The following PAPPA variants were observed in gnomAD, a reference collection of about 807,000 sequenced individuals.
PAPPA encodes pappalysin-1.
In PAPPA, 60 loss-of-function variants were observed where a neutral mutation model predicts 164.0. That is an observed-to-expected ratio of 0.37 (90% CI 0.30 to 0.45). The LOEUF (loss-of-function observed/expected upper bound fraction) is 0.45. PAPPA is among the 20% of genes least tolerant of loss of function. The pLI is 1.00. For missense variants in PAPPA, 1,782 were observed against 2,087.3 expected, an observed-to-expected ratio of 0.85 and a Z score of 2.85; for synonymous variants, 875 against 814.1, an observed-to-expected ratio of 1.07 and a Z score of -1.27.
intron 1 of PAPPA, among the ~76,000 whole-genome samples, chr9:116,181,334 C>CTT (rs1199134942): frequency 7.0e-6 from 1 of 143,660 alleles, no homozygotes. Flanking sequence ...CTCTCTCTCT[C>CTT]TCTCTTTCTC....
In PAPPA at chr9:116,241,730, G is replaced by A. The variant is rs374985634; in HGVS notation, c.2732+6093G>A. The stretch of plus-strand genomic sequence containing the variant: ...ATGCGTCTCTTGCTTTCAGATCTTA[G>A]TTATAACATTGATATGTAATGTCAT... On this transcript the variant is annotated intron_variant, in intron 7 of 21. Transcript: ENST00000328252. 2.6e-5 allele frequency among the ~76,000 whole-genome samples: 4 copies of A among 152,104 alleles called. No individual in the cohort carries two copies. The East Asian group carries it at 7.7e-4, about 29-fold the overall frequency.
chr9:116,290,808 C>G (rs1025497433), intron 9 of PAPPA, among the ~76,000 whole-genome samples: 2 of 151,926 alleles, frequency 1.3e-5, no homozygotes, highest in African/African-American at 4.8e-5. Context: ...TGCACACTCT[C>G]TGCATATCCA....
chr9:116,225,805 G>T (rs1017210157), intron 5 of PAPPA, among the ~76,000 whole-genome samples: 2 of 150,358 alleles, frequency 1.3e-5, no homozygotes, highest in African/African-American at 4.9e-5. Flanking sequence ...TAAGTGACTG[G>T]TATCCATCCA....
intron 7 of PAPPA, among the ~76,000 whole-genome samples, chr9:116,237,373 A>G (rs1844681108): frequency 1.3e-5 from 2 of 152,178 alleles, no homozygotes; most frequent in Admixed American, 6.5e-5. Context: ...ACTTGTCTAG[A>G]GTGGTAGAGT....
chr9:116,223,086 A>C (rs1844465131), intron 5 of PAPPA, among the ~76,000 whole-genome samples: 1 of 152,170 alleles, frequency 6.6e-6, no homozygotes, highest in Admixed American at 6.5e-5. Context: ...CTAGAACCTA[A>C]ATTTGGTAGC....
rs1554753196 is a variant in PAPPA at position 116,334,251 on chromosome 9, A to AC, written c.3398-610_3398-609insC. Among the ~76,000 whole-genome samples the AC allele has an allele frequency of 1.6e-3, 245 of 150,992 alleles. 1 individual carries two copies. Among genetic ancestry groups the AC allele is most frequent in the African/African-American group, 5.7e-3 (235 of 41,114 alleles). On this transcript the variant is annotated intron_variant, in intron 12 of 21. Transcript: ENST00000328252. ...TGCTGGCTGCATTAAAAAAAAAAAA[A>AC]AAAAAAAAACAGGGCTCTTGAGTGA...
intron 19 of PAPPA, among the ~76,000 whole-genome samples, chr9:116,374,275 C>T (rs1322596364): frequency 9.9e-5 from 15 of 151,962 alleles, no homozygotes. Context: ...ATAGTCTATT[C>T]TTCCTACCAC....
At position 116,331,338 on chromosome 9, in the gene PAPPA, A is replaced by C; in HGVS notation, c.3242A>C (p.Gln1081Pro). The change falls in exon 11 of 22, where the codon CAG (glutamine) becomes CCG (proline). Residue 1081 changes from glutamine (Q) to proline (P), a missense_variant. By Grantham distance (76) the Gln-to-Pro change is moderately conservative (BLOSUM62 -1). Transcript: ENST00000328252. Reference protein sequence around the residue: ...TISYPYSQLAQTTFWLRAYFS... With the variant: ...TISYPYSQLAPTTFWLRAYFS... ...AGCTACCCATATTCCCAGCTGGCTCAGACCACTTTTTGGCTCCGGGTAAGC... is the reference window on the plus strand; with the variant it reads ...AGCTACCCATATTCCCAGCTGGCTCCGACCACTTTTTGGCTCCGGGTAAGC... The C allele has an allele frequency of 1.2e-6, 2 of 1,612,628 alleles. No homozygotes were observed. Among genetic ancestry groups the C allele is most frequent in the Non-Finnish European group, 1.7e-6 (2 of 1,178,588 alleles).
In PAPPA at chr9:116,160,224, C is replaced by T. The variant is rs374923913; in HGVS notation, c.415+5637C>T. Reference sequence around the variant, plus strand: ...AGTAGCTAAGCATTTGGGGAAGTTCCGGTGCCCCAGCTCTGAAGGACCCCT... The same window carrying T: ...AGTAGCTAAGCATTTGGGGAAGTTCTGGTGCCCCAGCTCTGAAGGACCCCT... On this transcript the variant is annotated intron_variant, in intron 1 of 21. Coordinates refer to ENST00000328252, the MANE Select transcript of PAPPA (RefSeq NM_002581.5). Among the ~76,000 whole-genome samples, 18 of 152,258 alleles carry T rather than the reference C, an allele frequency of 1.2e-4. No individual in the cohort carries two copies. The South Asian group carries it at 3.1e-3, about 26-fold the overall frequency.
intron 1 of PAPPA, among the ~76,000 whole-genome samples, chr9:116,168,104 C>T (rs10759833): frequency 0.51 from 77,463 of 151,986 alleles, 21,005 homozygotes; most frequent in Non-Finnish European, 0.62. Context: ...AGTAAGATTA[C>T]TAGAAAGCAT....
At chr9:116,166,272 G>T (rs1843718500) in intron 1 of PAPPA, among the ~76,000 whole-genome samples, 1 of 152,134 alleles carries the variant, frequency 6.6e-6, no homozygotes, top group Non-Finnish European at 1.5e-5. Context: ...GCTCACATTG[G>T]GCTTTCTAAT....
chr9:116,247,186 A>G (rs566712101), intron 7 of PAPPA, among the ~76,000 whole-genome samples: 9 of 152,324 alleles, frequency 5.9e-5, no homozygotes, highest in African/African-American at 1.7e-4. Context: ...ATATTTCTAT[A>G]GATGTCTATG....
chr9:116,273,709 G>A (rs1845164007), intron 9 of PAPPA, among the ~76,000 whole-genome samples: 1 of 152,114 alleles, frequency 6.6e-6, no homozygotes, highest in African/African-American at 2.4e-5. Context: ...AGGAGACGGA[G>A]GTTGCAGTGA....
intron 10 of PAPPA, among the ~76,000 whole-genome samples, chr9:116,310,549 C>T (rs973047428): frequency 1.3e-5 from 2 of 152,088 alleles, no homozygotes; most frequent in Admixed American, 6.5e-5. Context: ...TATAACCACC[C>T]CCAAAACTTT....
intron 7 of PAPPA, among the ~76,000 whole-genome samples, chr9:116,242,682 G>A (rs1339344270): frequency 6.6e-6 from 1 of 152,086 alleles, no homozygotes; most frequent in Non-Finnish European, 1.5e-5. Flanking sequence ...ATTTTGCTAG[G>A]GTGAATACTG....
chr9:116,315,437 G>A (rs1389962328), intron 10 of PAPPA, among the ~76,000 whole-genome samples: 3 of 152,178 alleles, frequency 2.0e-5, no homozygotes, highest in African/African-American at 7.2e-5. Flanking sequence ...ACAGGGCCTG[G>A]CATATAGAAT....
intron 20 of PAPPA, among the ~76,000 whole-genome samples, 179 bp downstream of exon 20, chr9:116,377,826 AC>A (rs1846675246): frequency 6.6e-6 from 1 of 152,236 alleles, no homozygotes; most frequent in African/African-American, 2.4e-5. Flanking sequence ...GAATTGAGGC[AC>A]AGAGATATAA....
In PAPPA at chr9:116,220,521, T is replaced by A. The variant is rs1363862139; in HGVS notation, c.2111+392T>A. On this transcript the variant is annotated intron_variant, in intron 5 of 21. Transcript: ENST00000328252. ...TTATATTAATTATATTGTATCATATTATATATGCTTATATATGGATATATA... is the reference window on the plus strand; with the variant it reads ...TTATATTAATTATATTGTATCATATAATATATGCTTATATATGGATATATA... Among the ~76,000 whole-genome samples, 9 of 140,100 alleles carry A rather than the reference T, an allele frequency of 6.4e-5. No individual in the cohort carries two copies. The Admixed American group carries it at 6.9e-4, about 11-fold the overall frequency. 91.9% of individuals were successfully genotyped at this position (140,100 alleles called of 152,430 possible).
chr9:116,354,659 T>C (rs1467415327), intron 17 of PAPPA, among the ~76,000 whole-genome samples: 1 of 152,084 alleles, frequency 6.6e-6, no homozygotes, highest in Admixed American at 6.5e-5. Flanking sequence ...CACAACAGCA[T>C]CTCCTGAAGC....
Sources: allele counts gnomAD v4.1 joint callset (sites outside exome capture counted in the v4.1 genomes callset), GRCh38; gene constraint gnomAD v4.1.1; transcripts MANE v1.5; gene names NCBI Gene and HGNC (gene_info 2026-07-23, HGNC 2026-07-21).